The following ADCK1 variants were observed in gnomAD, a reference collection of about 807,000 sequenced individuals.
The protein encoded by ADCK1 is aarF domain-containing protein kinase 1.
In ADCK1, 41 loss-of-function variants were observed where a neutral mutation model predicts 52.3. That is an observed-to-expected ratio of 0.78 (90% CI 0.61 to 1.02). The LOEUF (loss-of-function observed/expected upper bound fraction) is 1.02, where lower values mean the gene tolerates loss of function less well. ADCK1 is among the 50% of genes least tolerant of loss of function. ADCK1 has a pLI of 0.00. For synonymous variants in ADCK1, 250 were observed against 274.6 expected, an observed-to-expected ratio of 0.91 and a Z score of 0.89; for missense variants, 658 against 679.5, an observed-to-expected ratio of 0.97 and a Z score of 0.35.
chr14:77,896,615 G>C (rs1204758673), intron 5 of ADCK1, among the ~76,000 whole-genome samples: 1 of 152,206 alleles, frequency 6.6e-6, no homozygotes, highest in African/African-American at 2.4e-5. Context: ...ATCTGCTCTG[G>C]TTGCTGCCAA....
At chr14:77,926,046 C>A in intron 9 of ADCK1, 85 bp downstream of exon 9, 1 of 1,506,892 alleles carries the variant, frequency 6.6e-7, no homozygotes, top group Non-Finnish European at 9.1e-7. Flanking sequence ...CAAGTAAGGT[C>A]TAAGAGTCTA....
At chr14:77,861,579 C>T (rs1209667757) in intron 4 of ADCK1, among the ~76,000 whole-genome samples, 1 of 151,272 alleles carries the variant, frequency 6.6e-6, no homozygotes, top group Non-Finnish European at 1.5e-5. Context: ...TCCATTTCAT[C>T]CCTGGCTTAA....
chr14:77,895,851 C>T (rs1020550913), intron 5 of ADCK1, among the ~76,000 whole-genome samples: 1 of 152,038 alleles, frequency 6.6e-6, no homozygotes, highest in African/African-American at 2.4e-5. Context: ...TTCTGGGCTT[C>T]GTAGCGGGTA....
At chr14:77,811,977 A>T (rs1440222805) in intron 1 of ADCK1, among the ~76,000 whole-genome samples, 1 of 152,228 alleles carries the variant, frequency 6.6e-6, no homozygotes, top group Non-Finnish European at 1.5e-5. Flanking sequence ...TTATTCTTTT[A>T]ATTTATTATT....
At chr14:77,801,919 C>T (rs548537209) in intron 1 of ADCK1, among the ~76,000 whole-genome samples, 2 of 151,998 alleles carry the variant, frequency 1.3e-5, no homozygotes, top group East Asian at 3.9e-4. Context: ...CCAGCCTGGG[C>T]GACTGAGCAA....
chr14:77,868,909 G>A (rs2082718324), intron 4 of ADCK1, among the ~76,000 whole-genome samples: 1 of 152,230 alleles, frequency 6.6e-6, no homozygotes, highest in Non-Finnish European at 1.5e-5. Context: ...CACAGAGGGA[G>A]TAATTAGAGA....
At chr14:77,908,056 T>G in intron 7 of ADCK1, 137 bp downstream of exon 7, 1 of 683,564 alleles carries the variant, frequency 1.5e-6, no homozygotes, top group East Asian at 2.7e-5. Flanking sequence ...TCTGGAGAAT[T>G]ATAAACTTTG....
At chr14:77,879,030 C>T (rs1457551251) in intron 4 of ADCK1, among the ~76,000 whole-genome samples, 2 of 152,042 alleles carry the variant, frequency 1.3e-5, no homozygotes, top group African/African-American at 4.8e-5. Flanking sequence ...ACAACATTTC[C>T]GTAGAGTCCC....
At chr14:77,808,873 G>A (rs1385905624) in intron 1 of ADCK1, among the ~76,000 whole-genome samples, 5 of 152,316 alleles carry the variant, frequency 3.3e-5, no homozygotes, top group South Asian at 2.1e-4. Context: ...ACTGCACCTG[G>A]CCCACTGCAG....
intron 7 of ADCK1, among the ~76,000 whole-genome samples, chr14:77,921,354 A>G (rs2084054976): frequency 6.6e-6 from 1 of 150,850 alleles, no homozygotes; most frequent in African/African-American, 2.4e-5. Context: ...AAAAAGAAAA[A>G]AAAGTTAAGC....
chr14:77,915,054 T>C (rs994246641), intron 7 of ADCK1, among the ~76,000 whole-genome samples: 2 of 152,236 alleles, frequency 1.3e-5, no homozygotes, highest in Non-Finnish European at 2.9e-5. Flanking sequence ...TGGGCCTGTC[T>C]GGCTGTCTGG....
intron 3 of ADCK1, 112 bp downstream of exon 3, chr14:77,822,630 A>T: frequency 1.1e-6 from 1 of 922,242 alleles, no homozygotes; most frequent in South Asian, 1.4e-5. Context: ...GATTAAAGGC[A>T]TGAGCCACTG....
intron 9 of ADCK1, among the ~76,000 whole-genome samples, chr14:77,928,331 G>C (rs2084244933): frequency 6.6e-6 from 1 of 152,130 alleles, no homozygotes; most frequent in African/African-American, 2.4e-5. Context: ...AAGAGGTCTA[G>C]ACTTAAAATA....
intron 3 of ADCK1, among the ~76,000 whole-genome samples, chr14:77,831,146 G>T (rs2081840098): frequency 6.6e-6 from 1 of 152,210 alleles, no homozygotes; most frequent in Non-Finnish European, 1.5e-5. Flanking sequence ...TCAGTTGGGG[G>T]ACTGCCTCTT....
At chr14:77,930,299 G>A (rs550363560) in intron 9 of ADCK1, among the ~76,000 whole-genome samples, 3 of 152,188 alleles carry the variant, frequency 2.0e-5, no homozygotes, top group Non-Finnish European at 2.9e-5. Flanking sequence ...CAGCGCACAC[G>A]TGCTTCTGAA....
In ADCK1 at chr14:77,881,668, T is replaced by C. The variant is rs534417031; in HGVS notation, c.424-5423T>C. ...CACCCTTTTCCCCCCTAATAATTAA[T>C]TAATTGTAAAGACAGAATCTTGCTA... is the stretch of plus-strand genomic sequence containing the variant. On this transcript the variant is annotated intron_variant, in intron 4 of 10. Transcript: ENST00000238561. Among the ~76,000 whole-genome samples the C allele has an allele frequency of 2.0e-5, 3 of 152,242 alleles. No homozygotes were observed. The South Asian group carries it at 6.2e-4, about 32-fold the overall frequency.
At chr14:77,887,307 G>T in intron 5 of ADCK1, 58 bp downstream of exon 5, 1 of 1,480,152 alleles carries the variant, frequency 6.8e-7, no homozygotes. Context: ...CTGGGATCCA[G>T]GCCACCTAGG....
intron 5 of ADCK1, among the ~76,000 whole-genome samples, chr14:77,898,295 C>A (rs145178924): frequency 3.9e-5 from 6 of 152,278 alleles, no homozygotes; most frequent in Admixed American, 3.3e-4. Flanking sequence ...AGATGTGTAT[C>A]TGTGTGCCTC....
At chr14:77,849,344 G>A (rs950323916) in intron 3 of ADCK1, among the ~76,000 whole-genome samples, 27 of 152,328 alleles carry the variant, frequency 1.8e-4, no homozygotes, top group Non-Finnish European at 3.8e-4. Flanking sequence ...AATATGTTGG[G>A]ATTATAGACA....
Sources: gnomAD v4.1 joint callset for allele counts (sites outside exome capture counted in the v4.1 genomes callset) on GRCh38, gnomAD v4.1.1 for gene constraint, MANE v1.5 for transcripts, NCBI Gene and HGNC (gene_info 2026-07-23, HGNC 2026-07-21) for gene names.